Variants in RPGRIP1 observed in about 807,000 individuals in gnomAD.
RPGRIP1 encodes the protein RPGR interacting protein 1, also known as X-linked retinitis pigmentosa GTPase regulator-interacting protein 1.
RPGRIP1 carries 128 observed loss-of-function variants against 157.9 expected under a neutral mutation model. The ratio of observed to expected loss-of-function variants is 0.81; its 90% confidence interval spans 0.70 to 0.94. RPGRIP1 has a LOEUF of 0.94. Among genes scored for constraint, RPGRIP1 ranks in the 40% least tolerant of loss-of-function variants. The pLI, the probability that RPGRIP1 is intolerant of heterozygous loss-of-function variation, is 0.00. For synonymous variants in RPGRIP1, 554 were observed against 571.6 expected, an observed-to-expected ratio of 0.97 and a Z score of 0.44; for missense variants, 1,486 against 1,545.8, an observed-to-expected ratio of 0.96 and a Z score of 0.65.
intron 24 of RPGRIP1, among the ~76,000 whole-genome samples, chr14:21,349,393 TTC>T (rs1191630876): frequency 3.4e-5 from 4 of 118,798 alleles, no homozygotes; most frequent in South Asian, 3.1e-4. Context: ...TTACTATAAT[TTC>T]TTTCTTTTTT....
chr14:21,295,282 G>T (rs10131472), intron 3 of RPGRIP1, among the ~76,000 whole-genome samples: 40,120 of 151,788 alleles, frequency 0.26, 5,609 homozygotes, highest in South Asian at 0.31. Flanking sequence ...GACTGGACAG[G>T]TTCCTCCCCT....
chr14:21,318,919 C>T (rs1172270183), intron 11 of RPGRIP1, among the ~76,000 whole-genome samples: 1 of 152,000 alleles, frequency 6.6e-6, no homozygotes, highest in Non-Finnish European at 1.5e-5. Flanking sequence ...AGTTCACCCC[C>T]GTCTTAACTC....
At chr14:21,337,058 A>C (rs1884436431) in intron 21 of RPGRIP1, among the ~76,000 whole-genome samples, 1 of 152,188 alleles carries the variant, frequency 6.6e-6, no homozygotes, top group Non-Finnish European at 1.5e-5. Flanking sequence ...CAGGCATGAA[A>C]GGTAGAGGGG....
At position 21,330,343 on chromosome 14, in the gene RPGRIP1, C is replaced by T; in HGVS notation, c.3194C>T (p.Ser1065Phe). ...CACGAGGAAGAGGAAATGACATTAT[C>T]CCATTCAGCACTGAAACAGAAGGAA... Reference protein sequence around the residue: ...NQHEEEEMTLSHSALKQKEPL... With the variant: ...NQHEEEEMTLFHSALKQKEPL... Residue 1065 changes from serine to phenylalanine, a missense_variant, in exon 20 of 25, where the codon TCC becomes TTC. By Grantham distance (155) the Ser-to-Phe change is radical. Coordinates refer to ENST00000400017, the MANE Select transcript of RPGRIP1 (RefSeq NM_020366.4). 1 of 1,576,170 alleles carries T rather than the reference C, an allele frequency of 6.3e-7. No homozygotes were observed. Among genetic ancestry groups the T allele is most frequent in the Non-Finnish European group, 8.6e-7 (1 of 1,164,936 alleles).
chr14:21,325,674 C>G (rs1299856187), intron 16 of RPGRIP1, 157 bp from the exon 17 acceptor site: 2 of 666,546 alleles, frequency 3.0e-6, no homozygotes, highest in Non-Finnish European at 5.1e-6. Context: ...ACTGCCAGAG[C>G]CAGTTTGCAG....
At chr14:21,288,159 C>T (rs1219266345) in intron 2 of RPGRIP1, 98 bp downstream of exon 2, 2 of 776,566 alleles carry the variant, frequency 2.6e-6, no homozygotes, top group African/African-American at 1.8e-5. Flanking sequence ...TTACTTTCAG[C>T]TCTTTTCTTC....
intron 22 of RPGRIP1, 74 bp downstream of exon 22, chr14:21,343,302 G>C: frequency 1.7e-6 from 2 of 1,162,650 alleles, no homozygotes; most frequent in Non-Finnish European, 2.5e-6. Flanking sequence ...AATTACTCTG[G>C]ATTTTTGTGG....
At chr14:21,310,763 G>C in intron 8 of RPGRIP1, 156 bp downstream of exon 8, 1 of 654,466 alleles carries the variant, frequency 1.5e-6, no homozygotes, top group African/African-American at 1.8e-5. Flanking sequence ...ATACTATTAT[G>C]ATTATCAAAA....
chr14:21,341,229 C>G (rs1322036268), intron 21 of RPGRIP1, among the ~76,000 whole-genome samples: 4 of 152,094 alleles, frequency 2.6e-5, no homozygotes, highest in Non-Finnish European at 4.4e-5. Context: ...TGCGGTTTCA[C>G]CATGTTGGCC....
At chr14:21,306,119 T>C in intron 6 of RPGRIP1, among the ~76,000 whole-genome samples, 1 of 35,222 alleles carries the variant, frequency 2.8e-5, no homozygotes, top group Non-Finnish European at 6.2e-5. Flanking sequence ...AGTCTTTTTT[T>C]TTTTTTTTTT....
intron 19 of RPGRIP1, among the ~76,000 whole-genome samples, chr14:21,329,701 C>T (rs1270521844): frequency 6.6e-6 from 1 of 151,110 alleles, no homozygotes; most frequent in Non-Finnish European, 1.5e-5. Flanking sequence ...GAGGTTTCAC[C>T]ATGTTGATCA....
chr14:21,301,719 TAATAAA>T (rs779891072), intron 4 of RPGRIP1, among the ~76,000 whole-genome samples: 16,520 of 91,404 alleles, frequency 0.18, 1,043 homozygotes, highest in African/African-American at 0.24. Context: ...ATAATAATAA[TAATAAA>T]AAATTAGCCA....
chr14:21,348,487 C>A (rs915178277), intron 24 of RPGRIP1, among the ~76,000 whole-genome samples, 185 bp downstream of exon 24: 1 of 152,052 alleles, frequency 6.6e-6, no homozygotes, highest in African/African-American at 2.4e-5. Flanking sequence ...TGTATTTTTA[C>A]CCCCATATAC....
At chr14:21,350,954 CTA>C in intron 24 of RPGRIP1, 148 bp from the exon 25 acceptor site, 2 of 572,010 alleles carry the variant, frequency 3.5e-6, no homozygotes, top group Non-Finnish European at 3.1e-6. Flanking sequence ...CACCTATACA[CTA>C]TACCATTTTC....
intron 4 of RPGRIP1, among the ~76,000 whole-genome samples, chr14:21,302,007 A>G (rs965607836): frequency 3.3e-5 from 5 of 152,204 alleles, no homozygotes; most frequent in African/African-American, 1.2e-4. Context: ...ACAGCATTTC[A>G]TTAAGTACTC....
At chr14:21,302,148 TC>T (rs2139158361) in intron 4 of RPGRIP1, among the ~76,000 whole-genome samples, 1 of 152,290 alleles carries the variant, frequency 6.6e-6, no homozygotes, top group Non-Finnish European at 1.5e-5. Flanking sequence ...AAATTTCAGT[TC>T]CATTTAACAG....
In RPGRIP1 at chr14:21,348,139, A is replaced by G. The variant is rs781155656; in HGVS notation, c.3618-33A>G. The G allele has an allele frequency of 9.9e-6, 15 of 1,511,400 alleles. No individual in the cohort carries two copies. The South Asian group carries it at 1.6e-4, about 16-fold the overall frequency. 93.6% of individuals were successfully genotyped at this position (1,511,400 alleles called of 1,614,324 possible). ...TTATTTTTGAAGCATTAAGAGTATCAACAGTGCTGAATTAAATGCAATTTC... is the reference window on the plus strand; with the variant it reads ...TTATTTTTGAAGCATTAAGAGTATCGACAGTGCTGAATTAAATGCAATTTC... On this transcript the variant is annotated intron_variant, in intron 23 of 24. Transcript: ENST00000400017.
At chr14:21,304,391 GAA>G (rs1555365551) in intron 6 of RPGRIP1, among the ~76,000 whole-genome samples, 35 of 29,128 alleles carry the variant, frequency 1.2e-3, no homozygotes, top group East Asian at 3.9e-3. Context: ...AGGAGAGAGA[GAA>G]AGAAAGAAAG....
intron 10 of RPGRIP1, among the ~76,000 whole-genome samples, chr14:21,316,668 G>A (rs569170938): frequency 7.8e-4 from 119 of 152,066 alleles, no homozygotes; most frequent in African/African-American, 2.6e-3. Flanking sequence ...TGCCCTCCTC[G>A]GCCTCCCAAA....
Sources: allele counts gnomAD v4.1 joint callset (sites outside exome capture counted in the v4.1 genomes callset), GRCh38; gene constraint gnomAD v4.1.1; transcripts MANE v1.5; gene names NCBI Gene and HGNC (gene_info 2026-07-23, HGNC 2026-07-21).